Variants in CDH20 observed in about 807,000 individuals in gnomAD.
CDH20 encodes the protein cadherin-20.
Under a neutral mutation model 74.2 loss-of-function variants are expected in CDH20, and 29 were observed. That is an observed-to-expected ratio of 0.39 (90% CI 0.29 to 0.53). The LOEUF is 0.53. CDH20 is among the 20% of genes least tolerant of loss of function. The pLI, the probability that CDH20 is intolerant of heterozygous loss-of-function variation, is 0.69. For synonymous variants in CDH20, 469 were observed against 405.4 expected (o/e 1.16, Z -1.88); for missense variants, 988 against 1,048.3 (o/e 0.94, Z 0.79).
intron 6 of CDH20, among the ~76,000 whole-genome samples, chr18:61,513,690 GC>G (rs1424209024): frequency 6.6e-6 from 1 of 152,146 alleles, no homozygotes; most frequent in Non-Finnish European, 1.5e-5. Context: ...TTTAGGGCAG[GC>G]CTGGTGGTGA....
intron 1 of CDH20, among the ~76,000 whole-genome samples, chr18:61,450,831 T>C (rs1909361926): frequency 6.6e-6 from 1 of 152,142 alleles, no homozygotes; most frequent in Non-Finnish European, 1.5e-5. Flanking sequence ...GTTCACTTTG[T>C]ATTCCATTAT....
chr18:61,360,529 G>A (rs950782078), intron 1 of CDH20, among the ~76,000 whole-genome samples: 4 of 152,154 alleles, frequency 2.6e-5, no homozygotes, highest in African/African-American at 7.2e-5. Context: ...GGCAGGAGGC[G>A]AGGGGAGGGG....
At chr18:61,543,700 C>T (rs1037079736) in intron 9 of CDH20, among the ~76,000 whole-genome samples, 2 of 152,196 alleles carry the variant, frequency 1.3e-5, no homozygotes, top group Non-Finnish European at 2.9e-5. Context: ...TCTTTGCTAG[C>T]TCTCCCTCCT....
chr18:61,380,686 G>C (rs113339237), intron 1 of CDH20, among the ~76,000 whole-genome samples: 346 of 152,274 alleles, frequency 2.3e-3, no homozygotes, highest in Non-Finnish European at 3.6e-3. Context: ...GCACATGCCT[G>C]TAATCCCAGC....
chr18:61,458,916 A>G (rs1309823383), intron 1 of CDH20, among the ~76,000 whole-genome samples: 1 of 152,206 alleles, frequency 6.6e-6, no homozygotes, highest in African/African-American at 2.4e-5. Context: ...TTTATTATCC[A>G]CTAAAATGAC....
chr18:61,542,954 C>G (rs1913094608), intron 9 of CDH20, among the ~76,000 whole-genome samples: 2 of 152,170 alleles, frequency 1.3e-5, no homozygotes, highest in African/African-American at 4.8e-5. Context: ...CTGGATGACC[C>G]CAACACCTCC....
intron 1 of CDH20, among the ~76,000 whole-genome samples, chr18:61,377,868 A>AT (rs1318335639): frequency 5.3e-5 from 8 of 152,156 alleles, no homozygotes; most frequent in African/African-American, 1.9e-4. Flanking sequence ...ACTAACTCTT[A>AT]TACTAATTAG....
At chr18:61,435,925 C>T (rs1003301996) in intron 1 of CDH20, among the ~76,000 whole-genome samples, 9 of 152,044 alleles carry the variant, frequency 5.9e-5, no homozygotes, top group African/African-American at 2.2e-4. Context: ...CATCGCTCCC[C>T]CATTTCTGCA....
intron 1 of CDH20, among the ~76,000 whole-genome samples, chr18:61,400,107 G>T (rs1484885039): frequency 6.6e-6 from 1 of 152,154 alleles, no homozygotes; most frequent in African/African-American, 2.4e-5. Flanking sequence ...TTTATCCTAG[G>T]AGCTGAATGT....
At chr18:61,376,503 T>C (rs1911236118) in intron 1 of CDH20, among the ~76,000 whole-genome samples, 1 of 152,192 alleles carries the variant, frequency 6.6e-6, no homozygotes, top group Non-Finnish European at 1.5e-5. Context: ...TTTTCCAATT[T>C]GATATTTCCT....
intron 1 of CDH20, among the ~76,000 whole-genome samples, chr18:61,457,054 G>A (rs559117550): frequency 1.3e-5 from 2 of 152,216 alleles, no homozygotes; most frequent in Admixed American, 6.5e-5. Flanking sequence ...TGCATTTCTG[G>A]TAGAACTTTT....
chr18:61,350,797 G>A (rs1910278698), intron 1 of CDH20, among the ~76,000 whole-genome samples: 1 of 152,140 alleles, frequency 6.6e-6, no homozygotes, highest in Non-Finnish European at 1.5e-5. Flanking sequence ...CTAGGTAGAA[G>A]GCAGAAATCT....
rs781473288 is a variant in CDH20 at position 61,369,297 on chromosome 18, A to G, written c.-153+35470A>G. Among the ~76,000 whole-genome samples the G allele has an allele frequency of 2.6e-5, 4 of 152,178 alleles. No individual in the cohort carries two copies. In the South Asian group the frequency reaches 6.2e-4, roughly 24 times the overall value. ...TCAGGTTTGTCTGACTGCAAGGCCCATATTCACTCCATGCAGCTTCCCTGG... is the reference window on the plus strand; with the variant it reads ...TCAGGTTTGTCTGACTGCAAGGCCCGTATTCACTCCATGCAGCTTCCCTGG... On this transcript the variant is annotated intron_variant, in intron 1 of 11. Coordinates refer to ENST00000262717, the MANE Select transcript of CDH20 (RefSeq NM_031891.4).
intron 1 of CDH20, among the ~76,000 whole-genome samples, chr18:61,447,856 A>C (rs1909252133): frequency 1.3e-5 from 2 of 152,226 alleles, no homozygotes; most frequent in Admixed American, 6.5e-5. Flanking sequence ...TCCTCTTTTC[A>C]GTAACATTCT....
intron 1 of CDH20, among the ~76,000 whole-genome samples, chr18:61,482,598 A>G (rs528296317): frequency 1.3e-5 from 2 of 152,262 alleles, no homozygotes; most frequent in East Asian, 3.9e-4. Context: ...CTTTACACAT[A>G]TATGGCCTCA....
intron 10 of CDH20, 152 bp downstream of exon 10, chr18:61,545,296 G>A: frequency 1.9e-6 from 1 of 535,216 alleles, no homozygotes; most frequent in East Asian, 3.1e-5. Flanking sequence ...TTTTTTTTTT[G>A]AGATGGGGTC....
chr18:61,491,020 A>G (rs1051873543), intron 2 of CDH20, among the ~76,000 whole-genome samples: 2 of 152,202 alleles, frequency 1.3e-5, no homozygotes, highest in African/African-American at 4.8e-5. Context: ...AATGGGAAAA[A>G]GTGGGAATTG....
intron 1 of CDH20, among the ~76,000 whole-genome samples, chr18:61,359,700 G>A (rs1306137609): frequency 6.6e-6 from 1 of 152,186 alleles, no homozygotes; most frequent in Non-Finnish European, 1.5e-5. Flanking sequence ...AAGAGCATTT[G>A]GATATACTGA....
At chr18:61,488,371 G>A (rs1294134946) in intron 1 of CDH20, among the ~76,000 whole-genome samples, 1 of 152,024 alleles carries the variant, frequency 6.6e-6, no homozygotes, top group African/African-American at 2.4e-5. Flanking sequence ...TATATTTCTG[G>A]CTTAGCTCCA....
Sources: allele counts gnomAD v4.1 joint callset (sites outside exome capture counted in the v4.1 genomes callset), GRCh38; gene constraint gnomAD v4.1.1; transcripts MANE v1.5; gene names NCBI Gene and HGNC (gene_info 2026-07-23, HGNC 2026-07-21).